Variants in ABCB10 observed in about 807,000 individuals in gnomAD.
ABCB10 encodes ATP-binding cassette sub-family B member 10, mitochondrial.
Under a neutral mutation model 65.4 loss-of-function variants are expected in ABCB10, and 54 were observed. The ratio of observed to expected loss-of-function variants is 0.83; its 90% confidence interval spans 0.66 to 1.04. The LOEUF (loss-of-function observed/expected upper bound fraction) is 1.04. Ranked by LOEUF, ABCB10 falls within the 50% of genes least tolerant of loss-of-function variation. The probability of loss-of-function intolerance (pLI) is 0.00; values close to 1 mark genes in which losing one functional copy is unlikely to be tolerated. For missense variants in ABCB10, 846 were observed against 976.6 expected, an observed-to-expected ratio of 0.87 and a Z score of 1.78; for synonymous variants, 418 against 406.5, an observed-to-expected ratio of 1.03 and a Z score of -0.34.
intron 6 of ABCB10, among the ~76,000 whole-genome samples, chr1:229,533,657 G>A (rs1047868581): frequency 2.6e-5 from 4 of 152,138 alleles, no homozygotes; most frequent in African/African-American, 7.2e-5. Context: ...AGAAGCAAAC[G>A]CAATACAATG....
At chr1:229,551,178 C>A (rs1327307061) in intron 1 of ABCB10, among the ~76,000 whole-genome samples, 1 of 152,148 alleles carries the variant, frequency 6.6e-6, no homozygotes, top group Non-Finnish European at 1.5e-5. Flanking sequence ...AAAACATGGG[C>A]CTTTTTAAGT....
chr1:229,533,893 A>G (rs1662643973), intron 6 of ABCB10, among the ~76,000 whole-genome samples: 1 of 152,218 alleles, frequency 6.6e-6, no homozygotes, highest in Admixed American at 6.5e-5. Context: ...TTTAGATACA[A>G]TACCAAAGGT....
At position 229,518,158 on chromosome 1, in the gene ABCB10, T is replaced by G; in HGVS notation, c.*21A>C. The G allele has an allele frequency of 1.3e-6, 2 of 1,573,438 alleles. No individual in the cohort carries two copies. Among genetic ancestry groups the G allele is most frequent in the Non-Finnish European group, 1.7e-6 (2 of 1,143,662 alleles). ...ACTGTTTTGCATTAAAGTCTCATAT[T>G]GTTTACCAGTAATTGCTTCCTTATG... On this transcript the variant is annotated 3_prime_UTR_variant, in exon 13 of 13. Transcript: ENST00000344517.
chr1:229,518,220 A>G lies in ABCB10; in HGVS notation c.2176T>C (p.Tyr726His). 1 of 1,614,080 alleles carries G rather than the reference A, an allele frequency of 6.2e-7. No individual in the cohort carries two copies. The highest frequency in any genetic ancestry group is 8.5e-7 in the Non-Finnish European group (1 of 1,179,984). Reference sequence around the variant, plus strand: ...CTTTGTTTGTTCATTAGTTTTCTGTATATCCCATTTGGTTTTGAAAGCAGC... The same window carrying G: ...CTTTGTTTGTTCATTAGTTTTCTGTGTATCCCATTTGGTTTTGAAAGCAGC... The part of the protein sequence containing the change: ...EELLSKPNGI[Y>H]RKLMNKQSFI... The change falls in exon 13 of 13, where the codon TAC (tyrosine) becomes CAC (histidine). Residue 726 changes from tyrosine to histidine, a missense_variant. This residue lies in a region of ABCB10 where 632 missense variants were observed against 803.2 expected (regional missense o/e 0.79). Coordinates refer to ENST00000344517, the MANE Select transcript of ABCB10 (RefSeq NM_012089.3).
In ABCB10 at chr1:229,549,378, G is replaced by A. The variant is rs1274228682; in HGVS notation, c.574C>T (p.Leu192=). ...SVISMSAPFF[L]GKIIDVIYTN... ...TAGATGACATCAATGATCTTCCCCAGGAAGAAAGGGGCAGACATGGAGATA... is the reference window on the plus strand; with the variant it reads ...TAGATGACATCAATGATCTTCCCCAAGAAGAAAGGGGCAGACATGGAGATA... Residue 192 remains leucine (L), a synonymous_variant, in exon 2 of 13, where the codon CTG becomes TTG. Coordinates refer to ENST00000344517, the MANE Select transcript of ABCB10 (RefSeq NM_012089.3). The A allele has an allele frequency of 6.2e-7, 1 of 1,614,168 alleles. No individual in the cohort carries two copies. Among genetic ancestry groups the A allele is most frequent in the South Asian group, 1.1e-5 (1 of 91,086 alleles).
chr1:229,527,020 A>G lies in ABCB10; in HGVS notation c.1725+209T>C, dbSNP rs546951537. ...AGTCTCCAGCTTTCAATAAAAAGTC[A>G]ATGCTTCACCCTTGCTCAAACATTT... On this transcript the variant is annotated intron_variant, in intron 9 of 12. Transcript: ENST00000344517. 6.6e-5 allele frequency among the ~76,000 whole-genome samples: 10 copies of G among 152,248 alleles called. No individual in the cohort carries two copies. The South Asian group carries it at 1.9e-3, about 28-fold the overall frequency.
chr1:229,556,165 C>T (rs559758734), intron 1 of ABCB10, among the ~76,000 whole-genome samples: 3 of 152,076 alleles, frequency 2.0e-5, no homozygotes, highest in Non-Finnish European at 2.9e-5. Context: ...CACCCGAGGT[C>T]GGGAGTTCGA....
intron 6 of ABCB10, among the ~76,000 whole-genome samples, chr1:229,537,612 C>A (rs1353553465): frequency 2.0e-5 from 3 of 152,016 alleles, no homozygotes; most frequent in Admixed American, 6.5e-5. Context: ...CATGGTGAAA[C>A]CCCGTCTCTA....
rs1662553270 is a variant in ABCB10, at chr1:229,530,327, T to C, written c.1517A>G (p.Glu506Gly). 2 of 1,614,046 alleles carry C rather than the reference T, an allele frequency of 1.2e-6. No homozygotes were observed. The highest frequency in any genetic ancestry group is 1.7e-5 in the Admixed American group (1 of 60,006). Residue 506 changes from glutamate to glycine, a missense_variant, in exon 8 of 13, where the codon GAG (glutamate) becomes GGG (glycine). This residue lies in a region of ABCB10 where 632 missense variants were observed against 803.2 expected (regional missense o/e 0.79). Transcript: ENST00000344517. ...GCTGAAATCCTGAAATATGGGCACC[T>C]CTGGGCGAGCTGGATAGGCAAAATG... ...NVHFAYPARPEVPIFQDFSLS... is the reference protein window; with the variant it reads ...NVHFAYPARPGVPIFQDFSLS...
At chr1:229,545,035 C>G (rs370010148) in intron 3 of ABCB10, among the ~76,000 whole-genome samples, 9 of 152,304 alleles carry the variant, frequency 5.9e-5, no homozygotes, top group East Asian at 5.8e-4. Context: ...CTTCTAACCT[C>G]CAGAATTGTG....
At chr1:229,538,837 A>G (rs1448016344) in intron 6 of ABCB10, among the ~76,000 whole-genome samples, 1 of 152,186 alleles carries the variant, frequency 6.6e-6, no homozygotes, top group Non-Finnish European at 1.5e-5. Context: ...CTTGATTTTC[A>G]AAGACAAGAA....
chr1:229,540,327 G>A (rs1385532239), intron 5 of ABCB10, among the ~76,000 whole-genome samples: 1 of 152,152 alleles, frequency 6.6e-6, no homozygotes, highest in Non-Finnish European at 1.5e-5. Flanking sequence ...CTGAGTCTTG[G>A]TGAGGCAGAC....
chr1:229,521,287 T>C (rs1662308622), intron 11 of ABCB10, among the ~76,000 whole-genome samples: 1 of 152,174 alleles, frequency 6.6e-6, no homozygotes, highest in Non-Finnish European at 1.5e-5. Flanking sequence ...ATATTTTGCA[T>C]TAATAATCAC....
chr1:229,535,069 C>G (rs1300980166), intron 6 of ABCB10: 1 of 92,846 alleles, frequency 1.1e-5, no homozygotes, highest in Non-Finnish European at 2.2e-5. Context: ...AAAAAAAAAA[C>G]CTTGCCAATG....
chr1:229,518,349 T>G lies in ABCB10; in HGVS notation c.2047A>C (p.Arg683=). 2 of 1,614,218 alleles carry G rather than the reference T, an allele frequency of 1.2e-6. No homozygotes were observed. ...QEALDRLMDG[R]TVLVIAHRLS... ...CGATGGGCAATAACTAACACCGTTC[T>G]TCCATCCATCAGTCGATCTAGAGCT... The change falls in exon 13 of 13, where the codon AGA becomes CGA. Residue 683 remains arginine, a synonymous_variant. Transcript: ENST00000344517.
rs543502551 is a variant in ABCB10, at chr1:229,521,841, G to A, written c.1907-206C>T. On this transcript the variant is annotated intron_variant, in intron 10 of 12. Transcript: ENST00000344517. ...ATTATTATCATAGCCAAAATGTATT[G>A]ATGACTTCCTATATACCAAGTATTT... Among the ~76,000 whole-genome samples, 216 of 152,208 alleles carry A rather than the reference G, an allele frequency of 1.4e-3. 1 individual carries two copies. Among genetic ancestry groups the A allele is most frequent in the South Asian group, 7.5e-3 (36 of 4,812 alleles).
intron 10 of ABCB10, among the ~76,000 whole-genome samples, chr1:229,523,110 A>C (rs1291306911): frequency 6.6e-6 from 1 of 152,210 alleles, no homozygotes; most frequent in East Asian, 1.9e-4. Flanking sequence ...AATTACAGTA[A>C]GTCACTCTAA....
intron 11 of ABCB10, 56 bp downstream of exon 11, chr1:229,521,536 G>T: frequency 6.6e-7 from 1 of 1,507,678 alleles, no homozygotes; most frequent in South Asian, 1.3e-5. Flanking sequence ...AAATTACAAG[G>T]TCCCTAATAA....
intron 11 of ABCB10, chr1:229,519,184 C>A: frequency 4.5e-6 from 1 of 223,344 alleles, no homozygotes; most frequent in Non-Finnish European, 8.7e-6. Flanking sequence ...AAAATGTTTT[C>A]TAAAATTGTG....
Sources: allele counts gnomAD v4.1 joint callset (sites outside exome capture counted in the v4.1 genomes callset), GRCh38; gene constraint gnomAD v4.1.1; regional missense constraint gnomAD v4.1.1; transcripts MANE v1.5; gene names NCBI Gene and HGNC (gene_info 2026-07-23, HGNC 2026-07-21).